TMEM178B: variants seen among roughly 807,000 people sequenced by gnomAD.
TMEM178B encodes the protein transmembrane protein 178B.
Under a neutral mutation model 31.0 loss-of-function variants are expected in TMEM178B, and 5 were observed. The observed-to-expected ratio is 0.16, with a 90% CI of 0.08 to 0.34. The LOEUF is 0.34. TMEM178B is among the 10% of genes least tolerant of loss of function. The pLI, the probability that TMEM178B is intolerant of heterozygous loss-of-function variation, is 1.00. For missense variants in TMEM178B, 275 were observed against 400.3 expected (o/e 0.69, Z 2.67); for synonymous variants, 164 against 164.0 (o/e 1.00, Z 0.00).
intron 2 of TMEM178B, among the ~76,000 whole-genome samples, chr7:141,333,918 A>G (rs532276394): frequency 6.6e-6 from 1 of 152,370 alleles, no homozygotes; most frequent in East Asian, 1.9e-4. Context: ...CTGATCTGAC[A>G]GGAGGTAGAG....
chr7:141,497,758 T>C, the TMEM178B span, among the ~76,000 whole-genome samples: 1 of 152,232 alleles, frequency 6.6e-6, no homozygotes, highest in Non-Finnish European at 1.5e-5. Context: ...TCTTAGAAAC[T>C]GCGGCATGAT....
intron 2 of TMEM178B, among the ~76,000 whole-genome samples, chr7:141,349,250 A>G (rs1478259068): frequency 6.6e-6 from 1 of 152,156 alleles, no homozygotes; most frequent in African/African-American, 2.4e-5. Context: ...TCCTTTCTGT[A>G]TTGAGCTTGC....
chr7:141,358,821 T>G (rs1405147119), intron 2 of TMEM178B, among the ~76,000 whole-genome samples: 1 of 152,180 alleles, frequency 6.6e-6, no homozygotes, highest in Non-Finnish European at 1.5e-5. Context: ...AACTATTAGA[T>G]CTCAGGGAGA....
intron 3 of TMEM178B, among the ~76,000 whole-genome samples, chr7:141,454,086 C>T (rs541112875): frequency 6.6e-6 from 1 of 152,114 alleles, no homozygotes; most frequent in African/African-American, 2.4e-5. Context: ...TTCTGCCACA[C>T]TCCCAGGCAC....
intron 1 of TMEM178B, chr7:141,173,055 T>C (rs1796373188): frequency 6.6e-6 from 1 of 152,230 alleles, no homozygotes; most frequent in South Asian, 2.1e-4. Context: ...CTAGAATTAA[T>C]GTGGTATTGA....
intron 2 of TMEM178B, among the ~76,000 whole-genome samples, chr7:141,335,064 T>A (rs1799360531): frequency 1.3e-5 from 2 of 152,180 alleles, no homozygotes; most frequent in African/African-American, 4.8e-5. Flanking sequence ...GACAATGATA[T>A]AAACAGCTTG....
intron 2 of TMEM178B, among the ~76,000 whole-genome samples, chr7:141,361,223 G>T (rs1195349170): frequency 2.6e-5 from 4 of 152,128 alleles, no homozygotes; most frequent in Non-Finnish European, 5.9e-5. Flanking sequence ...TCCTTTACTG[G>T]AGTTGTATCA....
intron 1 of TMEM178B, among the ~76,000 whole-genome samples, chr7:141,185,200 A>G (rs947189768): frequency 3.3e-5 from 5 of 152,094 alleles, no homozygotes; most frequent in Non-Finnish European, 7.4e-5. Context: ...GGTGCTCTTT[A>G]GTTTAGCCGT....
chr7:141,200,559 G>C lies in TMEM178B; in HGVS notation c.383-12032G>C, dbSNP rs138411979. Reference sequence around the variant, plus strand: ...ATATGGACAAGCAGCCCAGTTAGAGGGAGCCCTGGAAAGCTGTCCAAAAGG... The same window carrying C: ...ATATGGACAAGCAGCCCAGTTAGAGCGAGCCCTGGAAAGCTGTCCAAAAGG... On this transcript the variant is annotated intron_variant, in intron 1 of 3. Transcript: ENST00000565468. Among the ~76,000 whole-genome samples the C allele has an allele frequency of 4.1e-3, 628 of 152,248 alleles. 4 individuals carry two copies. The highest frequency in any genetic ancestry group is 0.014 in the African/African-American group (596 of 41,542).
chr7:141,443,072 T>C (rs1437574147), intron 3 of TMEM178B, among the ~76,000 whole-genome samples: 1 of 152,232 alleles, frequency 6.6e-6, no homozygotes, highest in African/African-American at 2.4e-5. Context: ...AGAGAGAATC[T>C]CTGACTTCTT....
intron 2 of TMEM178B, among the ~76,000 whole-genome samples, chr7:141,351,819 A>C (rs1799729263): frequency 6.6e-6 from 1 of 152,230 alleles, no homozygotes; most frequent in African/African-American, 2.4e-5. Context: ...TTTAGAGATA[A>C]GAAATGAACA....
At chr7:141,218,846 TCC>T (rs1294669563) in intron 2 of TMEM178B, among the ~76,000 whole-genome samples, 3 of 152,138 alleles carry the variant, frequency 2.0e-5, no homozygotes, top group Admixed American at 1.3e-4. Context: ...GTACCTGCCT[TCC>T]CTTTCCCAGT....
intron 2 of TMEM178B, among the ~76,000 whole-genome samples, chr7:141,435,342 G>C (rs1437116340): frequency 1.3e-5 from 2 of 152,188 alleles, no homozygotes; most frequent in East Asian, 3.8e-4. Context: ...AAAATAAGCT[G>C]TTCTCTCTTT....
chr7:141,119,618 G>C (rs551475016), intron 1 of TMEM178B, among the ~76,000 whole-genome samples: 1 of 152,186 alleles, frequency 6.6e-6, no homozygotes, highest in Non-Finnish European at 1.5e-5. Flanking sequence ...TATTTTGCAG[G>C]TATATTTGTT....
At chr7:141,104,873 G>T (rs1163382961) in intron 1 of TMEM178B, among the ~76,000 whole-genome samples, 1 of 152,114 alleles carries the variant, frequency 6.6e-6, no homozygotes, top group Non-Finnish European at 1.5e-5. Flanking sequence ...AACTACCTCT[G>T]TAAAGACCCA....
At chr7:141,286,223 TTTAC>T (rs757181138) in intron 2 of TMEM178B, among the ~76,000 whole-genome samples, 1 of 152,210 alleles carries the variant, frequency 6.6e-6, no homozygotes, top group Admixed American at 6.5e-5. Flanking sequence ...CATATGCATT[TTTAC>T]TTTATACTCC....
At chr7:141,187,859 T>A (rs1433259416) in intron 1 of TMEM178B, among the ~76,000 whole-genome samples, 2 of 152,178 alleles carry the variant, frequency 1.3e-5, no homozygotes, top group African/African-American at 4.8e-5. Flanking sequence ...GTCAGATGAG[T>A]AGGTTGCAAA....
chr7:141,292,412 A>G (rs1798560748), intron 2 of TMEM178B, among the ~76,000 whole-genome samples: 1 of 152,178 alleles, frequency 6.6e-6, no homozygotes, highest in Non-Finnish European at 1.5e-5. Flanking sequence ...GACGTAAAGA[A>G]TCATTCCTCA....
At chr7:141,392,676 A>G (rs1800565300) in intron 2 of TMEM178B, among the ~76,000 whole-genome samples, 1 of 152,138 alleles carries the variant, frequency 6.6e-6, no homozygotes, top group East Asian at 1.9e-4. Context: ...ACCGGAATAC[A>G]GTAACCAAGG....
Sources: gnomAD v4.1 joint callset for allele counts (sites outside exome capture counted in the v4.1 genomes callset) on GRCh38, gnomAD v4.1.1 for gene constraint, MANE v1.5 for transcripts, NCBI Gene and HGNC (gene_info 2026-07-23, HGNC 2026-07-21) for gene names.